The following SHANK2 variants were observed in gnomAD, a reference collection of about 807,000 sequenced individuals.
SHANK2 encodes SH3 and multiple ankyrin repeat domains 2.
SHANK2 carries 43 observed loss-of-function variants against 133.7 expected under a neutral mutation model. That is an observed-to-expected ratio of 0.32 (90% confidence interval 0.25 to 0.41). The LOEUF is 0.41. Ranked by LOEUF, SHANK2 falls within the 10% of genes least tolerant of loss-of-function variation. The probability of loss-of-function intolerance (pLI) is 1.00; values close to 1 mark genes in which losing one functional copy is unlikely to be tolerated. For synonymous variants in SHANK2, 1,017 were observed against 952.8 expected, an observed-to-expected ratio of 1.07 and a Z score of -1.24; for missense variants, 1,994 against 2,235.8, an observed-to-expected ratio of 0.89 and a Z score of 2.18.
chr11:70,954,640 C>T (rs577518643), intron 10 of SHANK2, among the ~76,000 whole-genome samples: 1 of 152,350 alleles, frequency 6.6e-6, no homozygotes, highest in East Asian at 1.9e-4. Context: ...CCAAAAACGC[C>T]TTGCCCGGGA....
intron 9 of SHANK2, among the ~76,000 whole-genome samples, chr11:71,060,967 A>G (rs1950980033): frequency 6.6e-6 from 1 of 152,250 alleles, no homozygotes; most frequent in African/African-American, 2.4e-5. Flanking sequence ...CTTTGAGTAC[A>G]GGAAAAAATA....
rs56748833 is a variant in SHANK2, at chr11:70,901,697, C to A, written c.1108-5130G>T. The stretch of plus-strand genomic sequence containing the variant: ...AGAGCAGGAAGGAGCCCCTTACCCC[C>A]ACAGGATGTAGAGAGACTTCCTGTC... On this transcript the variant is annotated intron_variant, in intron 10 of 25. Coordinates refer to ENST00000601538, the MANE Select transcript of SHANK2 (RefSeq NM_012309.5). 8.3e-3 allele frequency among the ~76,000 whole-genome samples: 1,268 copies of A among 152,268 alleles called. 14 individuals carry two copies. Among genetic ancestry groups the A allele is most frequent in the African/African-American group, 0.029 (1,184 of 41,542 alleles).
In SHANK2 at chr11:70,521,461, G is replaced by C. The variant is rs144006973; in HGVS notation, c.2062-18530C>G. Among the ~76,000 whole-genome samples the C allele has an allele frequency of 3.9e-5, 6 of 152,212 alleles. No individual in the cohort carries two copies. The East Asian group carries it at 1.2e-3, about 29-fold the overall frequency. The stretch of plus-strand genomic sequence containing the variant: ...TTTTGAGATTTTTGAAATTTTGACT[G>C]TTTTACAATTACGTGAAATATTTAC... On this transcript the variant is annotated intron_variant, in intron 17 of 25. Transcript: ENST00000601538.
intron 14 of SHANK2, among the ~76,000 whole-genome samples, chr11:70,773,183 T>G (rs1373287124): frequency 6.6e-6 from 1 of 152,198 alleles, no homozygotes; most frequent in South Asian, 2.1e-4. Flanking sequence ...TGGATGCCAG[T>G]GCACCGCTCA....
At chr11:70,665,397 T>TC (rs36003462) in intron 15 of SHANK2, among the ~76,000 whole-genome samples, 87,078 of 151,434 alleles carry the variant, frequency 0.58, 25,346 homozygotes, top group Non-Finnish European at 0.62. Flanking sequence ...CTTCTCAGCC[T>TC]CCAAGGTGCT....
chr11:71,154,637 T>C (rs1952863472), intron 2 of SHANK2, among the ~76,000 whole-genome samples: 1 of 152,150 alleles, frequency 6.6e-6, no homozygotes, highest in South Asian at 2.1e-4. Context: ...CCCCAAATAC[T>C]GGAGGGGTGA....
rs1161627225 is a variant in SHANK2 at position 70,485,141 on chromosome 11, C to T, written c.4979+173G>A. 3.3e-5 allele frequency among the ~76,000 whole-genome samples: 5 copies of T among 152,204 alleles called. No individual in the cohort carries two copies. Among genetic ancestry groups the T allele is most frequent in the African/African-American group, 4.8e-5 (2 of 41,464 alleles). ...GGCTGTGATCATTACTCGGCTATCCCGGAGTCCAGGAGCATGAGAAAAAGA... is the reference window on the plus strand; with the variant it reads ...GGCTGTGATCATTACTCGGCTATCCTGGAGTCCAGGAGCATGAGAAAAAGA... On this transcript the variant is annotated intron_variant, in intron 25 of 25. Coordinates refer to ENST00000601538, the MANE Select transcript of SHANK2 (RefSeq NM_012309.5). The surrounding 1 kb of genome is among the most constrained non-coding windows in gnomAD (Gnocchi z 5.8).
intron 14 of SHANK2, among the ~76,000 whole-genome samples, chr11:70,783,364 G>A (rs1298768029): frequency 2.0e-5 from 3 of 152,124 alleles, no homozygotes; most frequent in African/African-American, 7.2e-5. Flanking sequence ...CAAGGGTAGG[G>A]ACTCCCACAG....
chr11:70,769,515 G>T (rs1555042181), intron 14 of SHANK2, among the ~76,000 whole-genome samples: 1 of 152,160 alleles, frequency 6.6e-6, no homozygotes, highest in African/African-American at 2.4e-5. Flanking sequence ...ACCTGAGCTT[G>T]TGCTCAACAG....
chr11:70,560,724 C>T (rs1440350313), intron 17 of SHANK2, among the ~76,000 whole-genome samples: 2 of 151,542 alleles, frequency 1.3e-5, no homozygotes, highest in Admixed American at 6.6e-5. Flanking sequence ...CTCCAACTCC[C>T]GGGTTCAAGC....
At chr11:71,097,928 CTGTT>C (rs376477687) in intron 6 of SHANK2, among the ~76,000 whole-genome samples, 213 of 149,530 alleles carry the variant, frequency 1.4e-3, no homozygotes, top group African/African-American at 4.8e-3. Flanking sequence ...GTGTGCATGC[CTGTT>C]TGTGTGCACG....
intron 17 of SHANK2, among the ~76,000 whole-genome samples, chr11:70,558,292 G>A (rs910171455): frequency 6.6e-6 from 1 of 152,254 alleles, no homozygotes; most frequent in East Asian, 1.9e-4. Flanking sequence ...GGGGACACCT[G>A]TACCTGCCCT....
intron 3 of SHANK2, among the ~76,000 whole-genome samples, chr11:71,120,778 G>C (rs2135275932): frequency 6.6e-6 from 1 of 152,306 alleles, no homozygotes. Flanking sequence ...ACCAGGTGGG[G>C]CCGCTCACTA....
At chr11:70,568,645 T>TCCCCCCCCCCCC (rs1565137385) in intron 17 of SHANK2, among the ~76,000 whole-genome samples, 3 of 48,380 alleles carry the variant, frequency 6.2e-5, no homozygotes, top group Non-Finnish European at 1.5e-4. Flanking sequence ...AGCGGATTCC[T>TCCCCCCCCCCCC]GCCCCCCCCG....
At chr11:70,701,613 C>T (rs538413775) in intron 14 of SHANK2, among the ~76,000 whole-genome samples, 7 of 152,154 alleles carry the variant, frequency 4.6e-5, no homozygotes, top group African/African-American at 1.4e-4. Context: ...ACCGTGTTAG[C>T]CAGGATGGTC....
intron 22 of SHANK2, 83 bp downstream of exon 22, chr11:70,492,252 G>T: frequency 6.3e-7 from 1 of 1,577,458 alleles, no homozygotes; most frequent in Non-Finnish European, 8.6e-7. Context: ...GAAAGCGTGT[G>T]CACCTCAGCT....
At position 71,185,284 on chromosome 11, in the gene SHANK2, A is replaced by G. The variant is rs782610650; in HGVS notation, c.-12-37946T>C. On this transcript the variant is annotated intron_variant, in intron 2 of 25. Transcript: ENST00000601538. ...TGTATCACAAAAGCCACTTGCCAGC[A>G]GGCAGAGCGTTGAGACACTCGAGGG... is the stretch of plus-strand genomic sequence containing the variant. Among the ~76,000 whole-genome samples the G allele has an allele frequency of 3.3e-5, 5 of 152,354 alleles. No homozygotes were observed. The South Asian group carries it at 8.3e-4, about 25-fold the overall frequency.
intron 3 of SHANK2, among the ~76,000 whole-genome samples, chr11:71,123,003 C>A (rs1198381886): frequency 2.6e-5 from 4 of 152,304 alleles, no homozygotes; most frequent in African/African-American, 7.2e-5. Flanking sequence ...GCAGCATCAT[C>A]ATCTCTGAGA....
At chr11:71,222,628 C>T (rs1310074342) in intron 2 of SHANK2, among the ~76,000 whole-genome samples, 4 of 152,230 alleles carry the variant, frequency 2.6e-5, no homozygotes, top group African/African-American at 9.6e-5. Flanking sequence ...AAATAGCAAG[C>T]CCCAAGTCCA....
Sources: gnomAD v4.1 joint callset for allele counts (sites outside exome capture counted in the v4.1 genomes callset) on GRCh38, gnomAD v4.1.1 for gene constraint, Gnocchi (gnomAD v3.1) non-coding constraint, MANE v1.5 for transcripts, NCBI Gene and HGNC (gene_info 2026-07-23, HGNC 2026-07-21) for gene names.